RBFOX1: variants seen among roughly 807,000 people sequenced by gnomAD.
The protein encoded by RBFOX1 is RNA binding fox-1 homolog 1, also known as RNA binding protein fox-1 homolog 1.
RBFOX1 carries 8 observed loss-of-function variants against 57.7 expected under a neutral mutation model. The ratio of observed to expected loss-of-function variants is 0.14; its 90% CI spans 0.08 to 0.25. The LOEUF is 0.25. Among genes scored for constraint, RBFOX1 ranks in the 10% least tolerant of loss-of-function variants. The pLI is 1.00. For missense variants in RBFOX1, 611 were observed against 548.5 expected, an observed-to-expected ratio of 1.11 and a Z score of -1.14; for synonymous variants, 326 against 222.4, an observed-to-expected ratio of 1.47 and a Z score of -4.15.
chr16:7,215,107 G>A (rs1032105299), intron 4 of RBFOX1, among the ~76,000 whole-genome samples: 3 of 152,038 alleles, frequency 2.0e-5, no homozygotes, highest in African/African-American at 4.8e-5. Flanking sequence ...GCCTCCCTAC[G>A]TCCATGTGTT....
At chr16:6,640,110 A>G (rs2098475120) in intron 2 of RBFOX1, among the ~76,000 whole-genome samples, 1 of 152,172 alleles carries the variant, frequency 6.6e-6, no homozygotes, top group Non-Finnish European at 1.5e-5. Flanking sequence ...AGGATTTTAA[A>G]CAGGGTACAC....
intron 5 of RBFOX1, among the ~76,000 whole-genome samples, chr16:7,535,473 A>C (rs2081260577): frequency 6.6e-6 from 1 of 152,244 alleles, no homozygotes; most frequent in Non-Finnish European, 1.5e-5. Flanking sequence ...TTGAAAATAA[A>C]CTGGGCTAGA....
chr16:7,125,556 C>T (rs1219053472), intron 4 of RBFOX1, among the ~76,000 whole-genome samples: 2 of 152,170 alleles, frequency 1.3e-5, no homozygotes, highest in East Asian at 3.9e-4. Context: ...TATGATGTGC[C>T]AAGTCATGGA....
At chr16:5,877,536 C>T (rs932053524) in intron 4 of RBFOX1, among the ~76,000 whole-genome samples, 5 of 152,230 alleles carry the variant, frequency 3.3e-5, no homozygotes, top group African/African-American at 1.2e-4. Flanking sequence ...AGGCGAGCCC[C>T]ACAACTGGGG....
chr16:5,624,390 G>C (rs2017264), intron 3 of RBFOX1, among the ~76,000 whole-genome samples: 11,725 of 152,170 alleles, frequency 0.077, 1,464 homozygotes, highest in African/African-American at 0.26. Flanking sequence ...GTAGAGACAG[G>C]GTTTCACCGT....
chr16:7,391,711 C>G (rs1437064056), intron 4 of RBFOX1, among the ~76,000 whole-genome samples: 1 of 152,164 alleles, frequency 6.6e-6, no homozygotes, highest in African/African-American at 2.4e-5. Context: ...AGATGAGGAC[C>G]AAATGTGTTT....
At chr16:5,718,985 A>C (rs1210734620) in intron 3 of RBFOX1, among the ~76,000 whole-genome samples, 4 of 151,506 alleles carry the variant, frequency 2.6e-5, no homozygotes, top group African/African-American at 9.7e-5. Context: ...AAAAAAAAAA[A>C]CAATATTCCC....
chr16:5,748,007 C>A (rs1237843875), intron 3 of RBFOX1, among the ~76,000 whole-genome samples: 3 of 152,106 alleles, frequency 2.0e-5, no homozygotes. Flanking sequence ...CTGTTGTGGG[C>A]ATTTAGTGCT....
intron 4 of RBFOX1, among the ~76,000 whole-genome samples, chr16:5,910,861 G>A (rs1432095767): frequency 1.3e-5 from 2 of 152,256 alleles, no homozygotes; most frequent in East Asian, 1.9e-4. Flanking sequence ...TCCCTGTTCC[G>A]TGACAGATGG....
Position 5,878,457 on chromosome 16 carries a change from A to G in RBFOX1, c.351+11122A>G, listed in dbSNP as rs555530273. On this transcript the variant is annotated intron_variant, in intron 4 of 19. Transcript: ENST00000641259. ...ACTCAGGGCCATATGGCTAGTAGGC[A>G]AAGTTGGTATTTGATTCTATGCAAT... Among the ~76,000 whole-genome samples the G allele has an allele frequency of 6.0e-4, 92 of 152,338 alleles. 1 individual carries two copies. Among genetic ancestry groups the G allele is most frequent in the South Asian group, 1.7e-3 (8 of 4,826 alleles).
chr16:7,633,269 G>T (rs1385066277), intron 11 of RBFOX1, among the ~76,000 whole-genome samples: 1 of 152,144 alleles, frequency 6.6e-6, no homozygotes, highest in Non-Finnish European at 1.5e-5. Flanking sequence ...ATACAAAGTG[G>T]CAATATCACT....
Position 5,518,959 on chromosome 16 carries a change from C to T in RBFOX1, c.258+51705C>T, listed in dbSNP as rs142211429. ...GGAGATAAGACCTTTAAAGAGGTAA[C>T]TAAGGTGGATGGGTGGCCCTCATCC... On this transcript the variant is annotated intron_variant, in intron 2 of 2. Transcript: ENST00000585867. Among the ~76,000 whole-genome samples the T allele has an allele frequency of 2.3e-3, 352 of 152,212 alleles. 1 individual carries two copies. The highest frequency in any genetic ancestry group is 7.6e-3 in the African/African-American group (317 of 41,530).
intron 3 of RBFOX1, among the ~76,000 whole-genome samples, chr16:5,618,914 G>C (rs1402048748): frequency 6.6e-6 from 1 of 152,178 alleles, no homozygotes; most frequent in Non-Finnish European, 1.5e-5. Context: ...ATGGGATCTG[G>C]AGAGCTCCAG....
chr16:6,172,107 C>A (rs758277365), intron 1 of RBFOX1, among the ~76,000 whole-genome samples: 1 of 152,196 alleles, frequency 6.6e-6, no homozygotes, highest in East Asian at 1.9e-4. Context: ...AGGCATGAGC[C>A]ACCGAGCCCA....
intron 3 of RBFOX1, among the ~76,000 whole-genome samples, chr16:5,663,209 G>T (rs1234464239): frequency 6.6e-6 from 1 of 152,010 alleles, no homozygotes; most frequent in Non-Finnish European, 1.5e-5. Flanking sequence ...ATTATTTATT[G>T]ATTATTTTAT....
chr16:5,903,060 C>T (rs1213013832), intron 4 of RBFOX1, among the ~76,000 whole-genome samples: 1 of 152,036 alleles, frequency 6.6e-6, no homozygotes, highest in Non-Finnish European at 1.5e-5. Flanking sequence ...TTGGACTTGC[C>T]TGAGCCGACT....
chr16:7,449,754 G>C (rs1176227472), intron 4 of RBFOX1, among the ~76,000 whole-genome samples: 2 of 139,280 alleles, frequency 1.4e-5, no homozygotes, highest in Non-Finnish European at 3.1e-5. Flanking sequence ...GTTTTGTTTT[G>C]TTTTTGTTTT....
intron 10 of RBFOX1, among the ~76,000 whole-genome samples, chr16:7,610,569 G>T (rs896772355): frequency 6.6e-6 from 1 of 152,256 alleles, no homozygotes; most frequent in Admixed American, 6.5e-5. Context: ...TGTGTTTCAT[G>T]CTGCCACTAT....
chr16:6,666,983 T>A (rs1022717930), intron 3 of RBFOX1, among the ~76,000 whole-genome samples: 3 of 152,180 alleles, frequency 2.0e-5, no homozygotes, highest in Non-Finnish European at 2.9e-5. Flanking sequence ...CTTCTGACTC[T>A]AGGATGGGTC....
Sources: allele counts gnomAD v4.1 joint callset (sites outside exome capture counted in the v4.1 genomes callset), GRCh38; gene constraint gnomAD v4.1.1; transcripts MANE v1.5; gene names NCBI Gene and HGNC (gene_info 2026-07-23, HGNC 2026-07-21).